B3GALT1: variants seen among roughly 807,000 people sequenced by gnomAD.
B3GALT1 encodes the protein UDP-Gal:betaGlcNAc beta 1,3-galactosyltransferase, polypeptide 1.
B3GALT1 carries 10 observed loss-of-function variants against 23.2 expected under a neutral mutation model. The ratio of observed to expected loss-of-function variants is 0.43; its 90% CI spans 0.27 to 0.73. The LOEUF is 0.73. Among genes scored for constraint, B3GALT1 ranks in the 30% least tolerant of loss-of-function variants. B3GALT1 has a pLI of 0.21. For missense variants in B3GALT1, 299 were observed against 405.4 expected (o/e 0.74, Z 2.25); for synonymous variants, 156 against 141.5 (o/e 1.10, Z -0.73).
At chr2:167,856,301 T>C (rs1689998538) in intron 4 of B3GALT1, among the ~76,000 whole-genome samples, 1 of 152,168 alleles carries the variant, frequency 6.6e-6, no homozygotes, top group Non-Finnish European at 1.5e-5. Context: ...CTCCTTCCTT[T>C]GGTATAAACT....
chr2:167,638,572 T>C (rs1685599490), intron 2 of B3GALT1, among the ~76,000 whole-genome samples: 1 of 152,046 alleles, frequency 6.6e-6, no homozygotes, highest in South Asian at 2.1e-4. Context: ...ATCTGGTTGT[T>C]AGAGCTCAGA....
At chr2:167,438,605 T>C (rs1698827068) in intron 1 of B3GALT1, among the ~76,000 whole-genome samples, 1 of 152,176 alleles carries the variant, frequency 6.6e-6, no homozygotes, top group African/African-American at 2.4e-5. Flanking sequence ...GGAATGGGGA[T>C]GAGGTCATCT....
intron 2 of B3GALT1, among the ~76,000 whole-genome samples, chr2:167,534,863 C>A (rs979626456): frequency 3.3e-5 from 5 of 152,080 alleles, no homozygotes; most frequent in African/African-American, 1.2e-4. Context: ...AGAAGGAAAC[C>A]AATATTTATT....
At chr2:167,442,128 T>C (rs560318420) in intron 1 of B3GALT1, among the ~76,000 whole-genome samples, 71 of 151,264 alleles carry the variant, frequency 4.7e-4, no homozygotes, top group African/African-American at 1.7e-3. Context: ...GAATATGCAC[T>C]GTTTGGTTTT....
chr2:167,441,260 G>C (rs1259607966), intron 1 of B3GALT1, among the ~76,000 whole-genome samples: 4 of 152,210 alleles, frequency 2.6e-5, no homozygotes, highest in Non-Finnish European at 5.9e-5. Flanking sequence ...TGAATCTCTG[G>C]TAGAAGATTG....
intron 2 of B3GALT1, among the ~76,000 whole-genome samples, chr2:167,516,365 T>C (rs1041878642): frequency 1.3e-5 from 2 of 152,106 alleles, no homozygotes; most frequent in Non-Finnish European, 2.9e-5. Context: ...AGTTTTGTTT[T>C]TGCTTTTGTT....
chr2:167,573,767 A>G (rs1251679153), intron 2 of B3GALT1, among the ~76,000 whole-genome samples: 2 of 151,688 alleles, frequency 1.3e-5, no homozygotes, highest in African/African-American at 2.4e-5. Context: ...ACCTATTCCA[A>G]TAATCCAGAA....
At chr2:167,668,467 G>A (rs536767560) in intron 3 of B3GALT1, among the ~76,000 whole-genome samples, 4 of 152,280 alleles carry the variant, frequency 2.6e-5, no homozygotes, top group African/African-American at 9.6e-5. Context: ...TTGAGCTGTG[G>A]TGGGCTTCAC....
At chr2:167,608,207 T>C (rs569529595) in intron 2 of B3GALT1, among the ~76,000 whole-genome samples, 1 of 152,304 alleles carries the variant, frequency 6.6e-6, no homozygotes, top group South Asian at 2.1e-4. Flanking sequence ...AACCTTGGCT[T>C]TTAATCCATT....
chr2:167,743,820 G>GT (rs1483333226), intron 3 of B3GALT1, among the ~76,000 whole-genome samples: 1 of 151,800 alleles, frequency 6.6e-6, no homozygotes, highest in African/African-American at 2.4e-5. Context: ...TATTCCAGTG[G>GT]TTTTTTTGAA....
At chr2:167,712,121 GAA>G (rs1687072270) in intron 3 of B3GALT1, among the ~76,000 whole-genome samples, 1 of 152,034 alleles carries the variant, frequency 6.6e-6, no homozygotes, top group South Asian at 2.1e-4. Flanking sequence ...TTCTCTTTCT[GAA>G]TGGTTATGTG....
intron 3 of B3GALT1, among the ~76,000 whole-genome samples, chr2:167,803,107 CA>C (rs1558983993): frequency 7.3e-5 from 11 of 151,184 alleles, no homozygotes; most frequent in African/African-American, 2.5e-4. Flanking sequence ...CACACACACA[CA>C]CACACACACA....
At chr2:167,590,482 T>G (rs930426686) in intron 2 of B3GALT1, among the ~76,000 whole-genome samples, 1 of 151,324 alleles carries the variant, frequency 6.6e-6, no homozygotes, top group Non-Finnish European at 1.5e-5. Context: ...CCTTCATGTG[T>G]CCTCCAGAAT....
chr2:167,554,438 C>A lies in B3GALT1; in HGVS notation c.-410+64161C>A, dbSNP rs547606487. The stretch of plus-strand genomic sequence containing the variant: ...GTGGATGAACCAGCGGTAGGATGAC[C>A]AGGTAACAGCCGAAGGTAACACTAA... On this transcript the variant is annotated intron_variant, in intron 2 of 4. Coordinates refer to ENST00000392690, the MANE Select transcript of B3GALT1 (RefSeq NM_020981.4). 5.3e-5 allele frequency among the ~76,000 whole-genome samples: 8 copies of A among 152,252 alleles called. No homozygotes were observed. The East Asian group carries it at 1.5e-3, about 29-fold the overall frequency.
chr2:167,353,286 G>A (rs1697346384), intron 1 of B3GALT1, among the ~76,000 whole-genome samples: 1 of 152,154 alleles, frequency 6.6e-6, no homozygotes, highest in South Asian at 2.1e-4. Flanking sequence ...TCTTGAGGTG[G>A]TGTATTTTAG....
At chr2:167,444,828 G>T (rs187420052) in intron 1 of B3GALT1, among the ~76,000 whole-genome samples, 77 of 151,874 alleles carry the variant, frequency 5.1e-4, no homozygotes, top group African/African-American at 1.7e-3. Context: ...TCCTGGATTC[G>T]TTGATTTTTT....
intron 1 of B3GALT1, among the ~76,000 whole-genome samples, chr2:167,338,033 T>A (rs916910555): frequency 6.6e-6 from 1 of 152,162 alleles, no homozygotes; most frequent in Non-Finnish European, 1.5e-5. Context: ...TCTGTGTGAC[T>A]GAAAGAAACA....
At chr2:167,777,578 C>A (rs1194822095) in intron 3 of B3GALT1, among the ~76,000 whole-genome samples, 1 of 152,138 alleles carries the variant, frequency 6.6e-6, no homozygotes, top group South Asian at 2.1e-4. Context: ...AAACTCCTGA[C>A]CTCAGGTGAT....
chr2:167,312,927 A>G (rs1696655197), intron 1 of B3GALT1, among the ~76,000 whole-genome samples: 1 of 152,134 alleles, frequency 6.6e-6, no homozygotes, highest in Non-Finnish European at 1.5e-5. Flanking sequence ...CAAAATATAC[A>G]TAAGTAGGAT....
Sources: gnomAD v4.1 joint callset for allele counts (sites outside exome capture counted in the v4.1 genomes callset) on GRCh38, gnomAD v4.1.1 for gene constraint, MANE v1.5 for transcripts, NCBI Gene and HGNC (gene_info 2026-07-23, HGNC 2026-07-21) for gene names.